The following PI4KA variants were observed in gnomAD, a reference collection of about 807,000 sequenced individuals.
The protein encoded by PI4KA is PI4-kinase alpha.
PI4KA carries 122 observed loss-of-function variants against 271.4 expected under a neutral mutation model. The observed-to-expected ratio is 0.45, with a 90% CI of 0.39 to 0.52. The LOEUF (loss-of-function observed/expected upper bound fraction) is 0.52. Among genes scored for constraint, PI4KA ranks in the 20% least tolerant of loss-of-function variants. The pLI is 0.00. For missense variants in PI4KA, 1,969 were observed against 2,769.1 expected, an observed-to-expected ratio of 0.71 and a Z score of 6.48; for synonymous variants, 1,041 against 1,078.8, an observed-to-expected ratio of 0.96 and a Z score of 0.69.
chr22:20,856,117 A>G (rs1018988505), intron 1 of PI4KA, among the ~76,000 whole-genome samples: 1 of 152,166 alleles, frequency 6.6e-6, no homozygotes, highest in African/African-American at 2.4e-5. Context: ...CCCCGTCTCC[A>G]CTAAATACTA....
chr22:20,835,815 G>A (rs971042883), intron 2 of PI4KA, among the ~76,000 whole-genome samples: 13 of 152,086 alleles, frequency 8.5e-5, no homozygotes, highest in Admixed American at 8.5e-4. Flanking sequence ...TTGGGAGGCT[G>A]AGGCAGGCGG....
In PI4KA at chr22:20,729,503, T is replaced by A; in HGVS notation, c.4492A>T (p.Thr1498Ser). The A allele has an allele frequency of 1.3e-6, 2 of 1,589,114 alleles. 1 individual carries two copies. The highest frequency in any genetic ancestry group is 4.6e-5 in the East Asian group (2 of 43,604). ...CATGTGATGAGACGCTCGATCTCAG[T>A]GGCCTGGCAAGATAAGACATAAGGC... ...RRTLLLSLLA[T>S]EIERLITWYN... is the part of the protein sequence containing the mutation. The change falls in exon 39 of 55, where the codon ACT becomes TCT. Residue 1498 changes from threonine (T) to serine (S), a missense_variant. Coordinates refer to ENST00000255882, the MANE Select transcript of PI4KA (RefSeq NM_058004.4).
intron 45 of PI4KA, 147 bp downstream of exon 45, chr22:20,717,561 C>G: frequency 1.5e-6 from 1 of 681,950 alleles, no homozygotes; most frequent in Non-Finnish European, 2.7e-6. Context: ...TCCTGGGGCA[C>G]CAGGCACCGT....
chr22:20,719,694 A>C (rs561841423), intron 43 of PI4KA, among the ~76,000 whole-genome samples: 4 of 152,036 alleles, frequency 2.6e-5, no homozygotes, highest in Non-Finnish European at 5.9e-5. Context: ...TTTTTGGAAA[A>C]CTTGGATCTG....
At chr22:20,718,024 C>T (rs867766606) in intron 44 of PI4KA, among the ~76,000 whole-genome samples, 1 of 152,098 alleles carries the variant, frequency 6.6e-6, no homozygotes, top group Non-Finnish European at 1.5e-5. Flanking sequence ...GGGTGTGTGG[C>T]TGGGGGTGGT....
rs559948596 is a variant in PI4KA, at chr22:20,790,743, A to C, written c.2328+2450T>G. ...ACACACACACACACACACACACACA[A>C]CAAAAAAAACCACCTCTGGAAATTA... On this transcript the variant is annotated intron_variant, in intron 19 of 54. Coordinates refer to ENST00000255882, the MANE Select transcript of PI4KA (RefSeq NM_058004.4). Among the ~76,000 whole-genome samples the C allele has an allele frequency of 1.2e-4, 17 of 145,844 alleles. No individual in the cohort carries two copies. In the East Asian group the frequency reaches 2.8e-3, roughly 24 times the overall value.
chr22:20,818,504 A>G lies in PI4KA; in HGVS notation c.835T>C (p.Ser279Pro). Residue 279 changes from serine (S) to proline (P), a missense_variant, in exon 7 of 55, where the codon TCT becomes CCT. Coordinates refer to ENST00000255882, the MANE Select transcript of PI4KA (RefSeq NM_058004.4). ...CCACCTTCAAAGTAGTGAAAGGCAG[A>G]TCCTCCAGGGGAACTGGGAGGGGGC... ...GMPPPSSPGG[S>P]AFHYFEASCL... The G allele has an allele frequency of 6.3e-7, 1 of 1,578,222 alleles. No individual in the cohort carries two copies. Among genetic ancestry groups the G allele is most frequent in the Non-Finnish European group, 8.6e-7 (1 of 1,166,450 alleles).
chr22:20,767,591 T>C (rs1932649813), intron 19 of PI4KA, among the ~76,000 whole-genome samples: 1 of 152,026 alleles, frequency 6.6e-6, no homozygotes, highest in Admixed American at 6.6e-5. Context: ...GCCTTCCCAG[T>C]AGCAGGGAGG....
At chr22:20,801,512 G>A (rs976848916) in intron 14 of PI4KA, among the ~76,000 whole-genome samples, 10 of 151,880 alleles carry the variant, frequency 6.6e-5, no homozygotes, top group African/African-American at 2.4e-4. Context: ...ATGAACCCAG[G>A]AGGCAGAGGT....
chr22:20,802,905 C>T (rs1209664047), intron 13 of PI4KA, among the ~76,000 whole-genome samples: 1 of 152,084 alleles, frequency 6.6e-6, no homozygotes, highest in Non-Finnish European at 1.5e-5. Flanking sequence ...GGACTGGGCC[C>T]CTGGCTAAGT....
At chr22:20,721,184 A>T (rs1433649513) in intron 43 of PI4KA, 114 bp downstream of exon 43, 2 of 1,055,374 alleles carry the variant, frequency 1.9e-6, no homozygotes, top group Admixed American at 3.6e-5. Context: ...GTGGGAGTGG[A>T]GGGGTCGGTG....
At chr22:20,716,960 G>A (rs1278632580) in intron 45 of PI4KA, among the ~76,000 whole-genome samples, 1 of 152,110 alleles carries the variant, frequency 6.6e-6, no homozygotes, top group African/African-American at 2.4e-5. Context: ...GAAATGCAGA[G>A]AGAGGCCGGG....
intron 2 of PI4KA, among the ~76,000 whole-genome samples, chr22:20,838,288 T>C (rs1319265038): frequency 6.6e-6 from 1 of 152,180 alleles, no homozygotes; most frequent in African/African-American, 2.4e-5. Flanking sequence ...TTACCTGAGC[T>C]TGAAAACCAA....
chr22:20,856,959 T>C (rs1461930963), intron 1 of PI4KA, among the ~76,000 whole-genome samples: 1 of 152,152 alleles, frequency 6.6e-6, no homozygotes, highest in African/African-American at 2.4e-5. Context: ...CCTCCCAGAA[T>C]CCAGCAATCA....
chr22:20,786,050 A>C (rs367657493), intron 19 of PI4KA: 1 of 1,614,196 alleles, frequency 6.2e-7, no homozygotes, highest in Non-Finnish European at 8.5e-7. Context: ...GAAGAACTAC[A>C]ATCTAGTGGA....
chr22:20,747,494 G>T, intron 29 of PI4KA, 89 bp downstream of exon 29: 1 of 1,435,676 alleles, frequency 7.0e-7, no homozygotes, highest in Non-Finnish European at 9.6e-7. Flanking sequence ...TGTGCGTCAT[G>T]AAAAGCGACA....
chr22:20,753,678 C>T (rs902296319), intron 23 of PI4KA, among the ~76,000 whole-genome samples: 3 of 151,930 alleles, frequency 2.0e-5, no homozygotes, highest in Non-Finnish European at 4.4e-5. Flanking sequence ...GTGGATGTGC[C>T]CTTTCTTTTT....
intron 29 of PI4KA, 126 bp downstream of exon 29, chr22:20,747,457 A>T: frequency 1.1e-6 from 1 of 946,876 alleles, no homozygotes; most frequent in Non-Finnish European, 1.5e-6. Flanking sequence ...TTGTCAACAG[A>T]CATCCACAGC....
intron 15 of PI4KA, 98 bp downstream of exon 15, chr22:20,799,573 G>T: frequency 1.2e-6 from 1 of 856,312 alleles, no homozygotes; most frequent in Non-Finnish European, 1.9e-6. Flanking sequence ...GAGACAAGGA[G>T]ATAAGGACAG....
Sources: gnomAD v4.1 joint callset for allele counts (sites outside exome capture counted in the v4.1 genomes callset) on GRCh38, gnomAD v4.1.1 for gene constraint, MANE v1.5 for transcripts, NCBI Gene and HGNC (gene_info 2026-07-23, HGNC 2026-07-21) for gene names.